AMDHD1: variants seen among roughly 807,000 people sequenced by gnomAD.
AMDHD1 encodes the protein amidohydrolase domain containing 1.
AMDHD1 carries 45 observed loss-of-function variants against 44.1 expected under a neutral mutation model. That is an observed-to-expected ratio of 1.02 (90% CI 0.80 to 1.31). AMDHD1 has a LOEUF of 1.31. Ranked by LOEUF, AMDHD1 falls within the 50% of genes most tolerant of loss-of-function variation. The pLI, the probability that AMDHD1 is intolerant of heterozygous loss-of-function variation, is 0.00. For missense variants in AMDHD1, 586 were observed against 552.1 expected (o/e 1.06, Z -0.61); for synonymous variants, 206 against 205.0 (o/e 1.00, Z -0.04).
chr12:95,965,237 T>C (rs996513795), intron 6 of AMDHD1, among the ~76,000 whole-genome samples: 2 of 138,226 alleles, frequency 1.4e-5, no homozygotes, highest in Non-Finnish European at 3.0e-5. Context: ...AGGTAGAAGT[T>C]GGAGTGAGCC....
chr12:95,963,394 C>A (rs1383408577), intron 6 of AMDHD1, among the ~76,000 whole-genome samples: 2 of 152,040 alleles, frequency 1.3e-5, no homozygotes, highest in East Asian at 3.9e-4. Flanking sequence ...GAACAGCTCC[C>A]AAAACAAAGA....
intron 3 of AMDHD1, among the ~76,000 whole-genome samples, 194 bp downstream of exon 3, chr12:95,955,169 G>A (rs936971065): frequency 1.3e-5 from 2 of 152,090 alleles, no homozygotes; most frequent in African/African-American, 4.8e-5. Flanking sequence ...ATTATACACA[G>A]GGCTATTCCT....
At chr12:95,954,868 CT>C in intron 2 of AMDHD1, 42 bp from the exon 3 acceptor site, 1 of 1,597,856 alleles carries the variant, frequency 6.3e-7, no homozygotes, top group Non-Finnish European at 8.6e-7. Flanking sequence ...TCTAAGTGCT[CT>C]CTATTTCTTA....
intron 3 of AMDHD1, 128 bp from the exon 4 acceptor site, chr12:95,956,557 C>A: frequency 2.3e-6 from 3 of 1,285,506 alleles, no homozygotes; most frequent in Non-Finnish European, 2.2e-6. Context: ...CCTTTCTAAT[C>A]TGATGGGTTG....
chr12:95,953,412 T>A (rs898605953), intron 2 of AMDHD1, among the ~76,000 whole-genome samples: 2 of 152,212 alleles, frequency 1.3e-5, no homozygotes, highest in African/African-American at 4.8e-5. Flanking sequence ...TTATTAACCA[T>A]CATCTCCTAC....
At chr12:95,960,347 T>G (rs1213787057) in intron 4 of AMDHD1, 51 bp from the exon 5 acceptor site, 6 of 1,530,346 alleles carry the variant, frequency 3.9e-6, no homozygotes, top group Admixed American at 3.6e-5. Context: ...CCCTGTCTTT[T>G]TGTGTTTTGT....
Position 95,968,443 on chromosome 12 carries a change from C to T in AMDHD1, c.*600C>T, listed in dbSNP as rs2080623075. The stretch of plus-strand genomic sequence containing the variant: ...GCGTTCAAGACACATCATTTATACA[C>T]AGGCACAGGGGCCTTCCTGAAATGG... On this transcript the variant is annotated 3_prime_UTR_variant, in exon 9 of 9. Transcript: ENST00000266736. 1 of 152,238 alleles carries T rather than the reference C, an allele frequency of 6.6e-6. No homozygotes were observed. The highest frequency in any genetic ancestry group is 2.4e-5 in the African/African-American group (1 of 41,462). 9.4% of individuals were successfully genotyped at this position (152,238 alleles called of 1,614,324 possible).
rs73214305 is a variant in AMDHD1, at chr12:95,954,434, G to T, written c.245-477G>T. ...CATGGCAAATTTTAGCTTGTGTGGT[G>T]GTGCATGACTATAGTCCCAGCTACT... is the stretch of plus-strand genomic sequence containing the variant. On this transcript the variant is annotated intron_variant, in intron 2 of 8. Transcript: ENST00000266736. Among the ~76,000 whole-genome samples, 7 of 151,958 alleles carry T rather than the reference G, an allele frequency of 4.6e-5. No individual in the cohort carries two copies. The East Asian group carries it at 1.2e-3, about 25-fold the overall frequency.
At chr12:95,952,126 T>A (rs2080528215) in intron 1 of AMDHD1, among the ~76,000 whole-genome samples, 1 of 152,214 alleles carries the variant, frequency 6.6e-6, no homozygotes, top group African/African-American at 2.4e-5. Context: ...GGTTGCCTGT[T>A]CTTGTGGGGT....
chr12:95,951,935 T>A (rs1263799207), intron 1 of AMDHD1, among the ~76,000 whole-genome samples: 1 of 152,172 alleles, frequency 6.6e-6, no homozygotes, highest in Admixed American at 6.5e-5. Flanking sequence ...GATTATTAGG[T>A]TTTTTCCTAT....
intron 4 of AMDHD1, among the ~76,000 whole-genome samples, chr12:95,957,523 T>C (rs1170582132): frequency 6.6e-6 from 1 of 152,174 alleles, no homozygotes; most frequent in Non-Finnish European, 1.5e-5. Flanking sequence ...CCAGAGTTCC[T>C]TTTGGTCCTG....
chr12:95,960,338 CCTGT>C (rs2080574411), intron 4 of AMDHD1, 56 bp from the exon 5 acceptor site: 8 of 1,478,964 alleles, frequency 5.4e-6, no homozygotes, highest in African/African-American at 1.4e-5. Flanking sequence ...GCCAGATTAC[CCTGT>C]CTTTTTGTGT....
chr12:95,960,592 G>T lies in AMDHD1; in HGVS notation c.782G>T (p.Gly261Val). 6.2e-7 allele frequency: 1 copy of T among 1,614,166 alleles called. No individual in the cohort carries two copies. Among genetic ancestry groups the T allele is most frequent in the Non-Finnish European group, 8.5e-7 (1 of 1,180,014 alleles). ...KDIGLQINFH[G>V]DELHPMKAAE... ...ATAGGGTTACAGATTAACTTCCATGGGGATGAACTCCACCCGATGAAGGCT... is the reference window on the plus strand; with the variant it reads ...ATAGGGTTACAGATTAACTTCCATGTGGATGAACTCCACCCGATGAAGGCT... The change falls in exon 5 of 9, where the codon GGG becomes GTG. Residue 261 changes from glycine (G) to valine (V), a missense_variant. Gly to Val is a moderately radical substitution (Grantham distance 109). Transcript: ENST00000266736.
chr12:95,954,654 AT>A (rs2080541430), intron 2 of AMDHD1, among the ~76,000 whole-genome samples: 1 of 152,224 alleles, frequency 6.6e-6, no homozygotes, highest in African/African-American at 2.4e-5. Context: ...AAGGAGCTGT[AT>A]TTCTGTAAGG....
At chr12:95,954,257 G>A (rs185303579) in intron 2 of AMDHD1, among the ~76,000 whole-genome samples, 169 of 152,144 alleles carry the variant, frequency 1.1e-3, no homozygotes, top group African/African-American at 3.8e-3. Context: ...CCAACTAGGG[G>A]GCTTGACAAC....
chr12:95,954,194 G>A (rs1278599931), intron 2 of AMDHD1, among the ~76,000 whole-genome samples: 2 of 152,120 alleles, frequency 1.3e-5, no homozygotes, highest in Non-Finnish European at 2.9e-5. Flanking sequence ...GGAGGGGATT[G>A]TAGTATTGTT....
At chr12:95,951,834 G>T (rs997944031) in intron 1 of AMDHD1, among the ~76,000 whole-genome samples, 4 of 152,110 alleles carry the variant, frequency 2.6e-5, no homozygotes, top group Non-Finnish European at 5.9e-5. Context: ...GAAGATCATT[G>T]ATGTTGAGCA....
intron 1 of AMDHD1, among the ~76,000 whole-genome samples, chr12:95,948,012 C>T (rs2080506931): frequency 7.9e-6 from 1 of 125,892 alleles, no homozygotes; most frequent in Non-Finnish European, 1.7e-5. Context: ...CCCGCCCGGC[C>T]AGCCGCCCTG....
chr12:95,943,884 T>C (rs1227098503), intron 1 of AMDHD1, among the ~76,000 whole-genome samples: 1 of 152,178 alleles, frequency 6.6e-6, no homozygotes, highest in Non-Finnish European at 1.5e-5. Context: ...ATTTTATTCT[T>C]ACGGCAGATT....
Sources: allele counts gnomAD v4.1 joint callset (sites outside exome capture counted in the v4.1 genomes callset), GRCh38; gene constraint gnomAD v4.1.1; transcripts MANE v1.5; gene names NCBI Gene and HGNC (gene_info 2026-07-23, HGNC 2026-07-21).